Variants in KAT2B observed in about 807,000 individuals in gnomAD.
The protein encoded by KAT2B is lysine acetyltransferase 2B, also known as histone acetyltransferase KAT2B.
KAT2B carries 36 observed loss-of-function variants against 105.9 expected under a neutral mutation model. That is an observed-to-expected ratio of 0.34 (90% confidence interval 0.26 to 0.45). The LOEUF (loss-of-function observed/expected upper bound fraction) is 0.45. Ranked by LOEUF, KAT2B falls within the 20% of genes least tolerant of loss-of-function variation. The pLI, the probability that KAT2B is intolerant of heterozygous loss-of-function variation, is 1.00. For synonymous variants in KAT2B, 397 were observed against 377.9 expected, an observed-to-expected ratio of 1.05 and a Z score of -0.59; for missense variants, 820 against 1,021.6, an observed-to-expected ratio of 0.80 and a Z score of 2.69.
Position 20,101,414 on chromosome 3 carries a change from G to A in KAT2B, c.797G>A (p.Arg266Gln), listed in dbSNP as rs772366442. The A allele has an allele frequency of 1.1e-5, 17 of 1,613,946 alleles. No individual in the cohort carries two copies. In the African/African-American group the frequency reaches 1.2e-4, roughly 11 times the overall value. Residue 266 changes from arginine (R) to glutamine (Q), a missense_variant, in exon 5 of 18, where the codon CGA becomes CAA. Around this residue, in one of 6 missense-constraint regions of KAT2B, gnomAD observed 173 missense variants for 249.5 expected, o/e 0.69. Coordinates refer to ENST00000263754, the MANE Select transcript of KAT2B (RefSeq NM_003884.5). ...NYWHLEAPSQRRLRSPNDDIS... is the reference protein window; with the variant it reads ...NYWHLEAPSQQRLRSPNDDIS... ...TGGCATCTGGAGGCACCATCTCAAC[G>A]AAGACTGCGATCTCCCAATGATGAT... is the stretch of plus-strand genomic sequence containing the variant.
In KAT2B at chr3:20,147,908, T is replaced by C. The variant is rs370021883; in HGVS notation, c.2120-55T>C. The stretch of plus-strand genomic sequence containing the variant: ...TGTTTTTGATAAGTATTAACTATGT[T>C]ATTCTCTTGACCAAAAGCACTTCTC... On this transcript the variant is annotated intron_variant, in intron 14 of 17. Coordinates refer to ENST00000263754, the MANE Select transcript of KAT2B (RefSeq NM_003884.5). 2.0e-5 allele frequency: 31 copies of C among 1,544,530 alleles called. No individual in the cohort carries two copies. The Admixed American group carries it at 2.6e-4, about 13-fold the overall frequency.
At chr3:20,150,747 C>G (rs560874071) in intron 17 of KAT2B, among the ~76,000 whole-genome samples, 1 of 152,088 alleles carries the variant, frequency 6.6e-6, no homozygotes, top group African/African-American at 2.4e-5. Context: ...GTCCAGACAC[C>G]GCCATAATTC....
intron 9 of KAT2B, among the ~76,000 whole-genome samples, chr3:20,123,361 G>T (rs1038192375): frequency 3.3e-5 from 5 of 151,910 alleles, no homozygotes; most frequent in African/African-American, 1.2e-4. Context: ...ATTTAGCCTG[G>T]TTACAATATT....
rs148625837 is a variant in KAT2B at position 20,096,101 on chromosome 3, C to T, written c.576+693C>T. Reference sequence around the variant, plus strand: ...AGGAGGGCAGCGTGGTGGAGCCCAGCGAGCAGAGGGTTGGGTGGGAGGAGA... The same window carrying T: ...AGGAGGGCAGCGTGGTGGAGCCCAGTGAGCAGAGGGTTGGGTGGGAGGAGA... On this transcript the variant is annotated intron_variant, in intron 3 of 17. Transcript: ENST00000263754. 1.4e-4 allele frequency among the ~76,000 whole-genome samples: 22 copies of T among 152,116 alleles called. No individual in the cohort carries two copies. In the East Asian group the frequency reaches 3.1e-3, roughly 21 times the overall value.
chr3:20,081,114 T>G (rs1463689257), intron 2 of KAT2B, among the ~76,000 whole-genome samples: 1 of 152,216 alleles, frequency 6.6e-6, no homozygotes, highest in Non-Finnish European at 1.5e-5. Context: ...AGTCATTAAT[T>G]TTACCTCTTC....
chr3:20,129,260 A>G (rs565489679), intron 11 of KAT2B, among the ~76,000 whole-genome samples: 1 of 152,126 alleles, frequency 6.6e-6, no homozygotes, highest in Non-Finnish European at 1.5e-5. Context: ...AGTGAGATTA[A>G]TTTTGGAAAT....
intron 7 of KAT2B, among the ~76,000 whole-genome samples, chr3:20,115,973 A>G (rs1699200164): frequency 2.0e-5 from 3 of 152,204 alleles, no homozygotes; most frequent in Non-Finnish European, 4.4e-5. Flanking sequence ...GTGTAAATAT[A>G]ACTAAATCCC....
chr3:20,066,407 A>G (rs1698223651), intron 1 of KAT2B, among the ~76,000 whole-genome samples: 1 of 151,944 alleles, frequency 6.6e-6, no homozygotes, highest in Admixed American at 6.6e-5. Context: ...AACTTTATTT[A>G]TTATTATTAT....
rs10554524 is a variant in KAT2B, at chr3:20,106,438, T to TACACACACACACAC, written c.851+4984_851+4997dup. Among the ~76,000 whole-genome samples, 84 of 145,714 alleles carry TACACACACACACAC rather than the reference T, an allele frequency of 5.8e-4. 1 individual carries two copies. Among genetic ancestry groups the TACACACACACACAC allele is most frequent in the African/African-American group, 2.0e-3 (80 of 40,568 alleles). On this transcript the variant is annotated intron_variant, in intron 5 of 17. Transcript: ENST00000263754. ...CAATTTATTAAAACAACACCAGAAG[T>TACACACACACACAC]ACACACACACACACACACACACACA...
chr3:20,050,095 A>G (rs760142819), intron 1 of KAT2B, among the ~76,000 whole-genome samples: 23 of 151,730 alleles, frequency 1.5e-4, no homozygotes, highest in Non-Finnish European at 2.5e-4. Flanking sequence ...AGCTACTCAG[A>G]AGGCTGAGGT....
intron 2 of KAT2B, among the ~76,000 whole-genome samples, chr3:20,076,571 C>G (rs926168814): frequency 5.3e-5 from 8 of 152,128 alleles, no homozygotes; most frequent in African/African-American, 1.7e-4. Context: ...TTCAAACACC[C>G]GTAAAGGCAG....
In KAT2B at chr3:20,119,663, C is replaced by T. The variant is rs902386467; in HGVS notation, c.1216C>T (p.Pro406Ser). ...TTCAACCTCATCTTCCCTTGAGCAG[C>T]CAAACGCAGGGAGCAGCAGTCCTGC... is the stretch of plus-strand genomic sequence containing the variant. Reference protein sequence around the residue: ...YNSTSSSLEQPNAGSSSPACK... With the variant: ...YNSTSSSLEQSNAGSSSPACK... The change falls in exon 8 of 18, where the codon CCA (proline) becomes TCA (serine). Residue 406 changes from proline to serine, a missense_variant. Transcript: ENST00000263754. The T allele has an allele frequency of 3.1e-6, 5 of 1,613,964 alleles. No homozygotes were observed. The Admixed American group carries it at 5.0e-5, about 16-fold the overall frequency.
At chr3:20,092,842 C>T (rs1448045048) in intron 2 of KAT2B, among the ~76,000 whole-genome samples, 1 of 152,002 alleles carries the variant, frequency 6.6e-6, no homozygotes, top group Non-Finnish European at 1.5e-5. Context: ...GCTAGAACTA[C>T]AGGCACGCAC....
At chr3:20,109,492 C>G (rs546221299) in intron 5 of KAT2B, among the ~76,000 whole-genome samples, 1 of 151,994 alleles carries the variant, frequency 6.6e-6, no homozygotes, top group Non-Finnish European at 1.5e-5. Flanking sequence ...GATTTTTAAA[C>G]TTTTTGTAGA....
chr3:20,091,256 T>G (rs539026839), intron 2 of KAT2B, among the ~76,000 whole-genome samples: 2 of 152,192 alleles, frequency 1.3e-5, no homozygotes, highest in Non-Finnish European at 2.9e-5. Flanking sequence ...TTCAGGAATT[T>G]ACCCATTTCT....
intron 5 of KAT2B, among the ~76,000 whole-genome samples, chr3:20,107,652 G>A (rs1432900965): frequency 8.8e-6 from 1 of 113,242 alleles, no homozygotes; most frequent in Admixed American, 9.8e-5. Flanking sequence ...GCAATACTAT[G>A]TCTCAAAAAA....
chr3:20,052,060 A>T (rs1369013512), intron 1 of KAT2B, among the ~76,000 whole-genome samples: 3 of 152,212 alleles, frequency 2.0e-5, no homozygotes, highest in African/African-American at 2.4e-5. Context: ...CATCTCTAGC[A>T]TCTAATTGTG....
At position 20,140,123 on chromosome 3, in the gene KAT2B, G is replaced by T. The variant is rs3762632; in HGVS notation, c.1861-98G>T. The stretch of plus-strand genomic sequence containing the variant: ...ATAGTACAATGAGAACTTCAAAGAA[G>T]CTTGTCTTGATTCCTCACACAGTGC... On this transcript the variant is annotated intron_variant, in intron 12 of 17. Transcript: ENST00000263754. 0.11 allele frequency: 88,370 copies of T among 779,488 alleles called. 11,662 individuals are homozygous for T. The highest frequency in any genetic ancestry group is 0.41 in the East Asian group (15,988 of 39,042). The allele number at this position is 779,488 out of a possible 1,614,324, so 48.3% of individuals were successfully genotyped here. A position where few individuals can be genotyped will look rare whatever the true frequency, so the allele number is the denominator to read the frequency against.
At chr3:20,108,163 A>C (rs1374846741) in intron 5 of KAT2B, among the ~76,000 whole-genome samples, 1 of 152,206 alleles carries the variant, frequency 6.6e-6, no homozygotes, top group Non-Finnish European at 1.5e-5. Context: ...ATTTTAAACA[A>C]TTAAAACTAA....
Sources: allele counts gnomAD v4.1 joint callset (sites outside exome capture counted in the v4.1 genomes callset), GRCh38; gene constraint gnomAD v4.1.1; regional missense constraint gnomAD v4.1.1; transcripts MANE v1.5; gene names NCBI Gene and HGNC (gene_info 2026-07-23, HGNC 2026-07-21).